The following TDRD5 variants were observed in gnomAD, a reference collection of about 807,000 sequenced individuals.
TDRD5 encodes tudor domain containing 5, also known as tudor domain-containing protein 5.
In TDRD5, 41 loss-of-function variants were observed where a neutral mutation model predicts 120.6. The ratio of observed to expected loss-of-function variants is 0.34; its 90% CI spans 0.26 to 0.44. The LOEUF (loss-of-function observed/expected upper bound fraction) is 0.44. Among genes scored for constraint, TDRD5 ranks in the 20% least tolerant of loss-of-function variants. TDRD5 has a pLI of 1.00. For missense variants in TDRD5, 1,006 were observed against 1,221.2 expected (o/e 0.82, Z 2.63); for synonymous variants, 430 against 433.7 (o/e 0.99, Z 0.11).
chr1:179,619,801 T>C (rs1481404816), intron 5 of TDRD5, among the ~76,000 whole-genome samples: 2 of 152,016 alleles, frequency 1.3e-5, no homozygotes, highest in Admixed American at 1.3e-4. Flanking sequence ...AAAAAAAATT[T>C]GTAGAGACAG....
intron 14 of TDRD5, 96 bp downstream of exon 14, chr1:179,654,458 C>A: frequency 7.8e-7 from 1 of 1,280,800 alleles, no homozygotes; most frequent in Non-Finnish European, 1.0e-6. Flanking sequence ...TTAAACCCCA[C>A]TGCTTTTAGT....
At position 179,606,266 on chromosome 1, in the gene TDRD5, T is replaced by G. The variant is rs192602218; in HGVS notation, c.831+10448T>G. Among the ~76,000 whole-genome samples the G allele has an allele frequency of 3.6e-3, 412 of 115,356 alleles. 13 individuals carry two copies. Among genetic ancestry groups the G allele is most frequent in the African/African-American group, 0.01 (388 of 38,100 alleles). 75.7% of individuals were successfully genotyped at this position (115,356 alleles called of 152,430 possible). The stretch of plus-strand genomic sequence containing the variant: ...TTAGTGAGAGGTCTGTTCAGGTATT[T>G]TGCCCATTTTTTAAAAATTGGATTG... On this transcript the variant is annotated intron_variant, in intron 4 of 17. Coordinates refer to ENST00000444136, the MANE Select transcript of TDRD5 (RefSeq NM_001199085.3).
intron 17 of TDRD5, among the ~76,000 whole-genome samples, chr1:179,672,687 G>C (rs1001226236): frequency 2.0e-5 from 3 of 152,116 alleles, no homozygotes; most frequent in Admixed American, 6.6e-5. Context: ...ATGTCTAGAA[G>C]GGTTTTTCCA....
rs540204788 is a variant in TDRD5 at position 179,634,036 on chromosome 1, T to G, written c.1127-421T>G. Reference sequence around the variant, plus strand: ...AATACAAGAAATTAGCCCGGCATGGTGGCGGGTGCCTGTAGTCCCAGCTAC... The same window carrying G: ...AATACAAGAAATTAGCCCGGCATGGGGGCGGGTGCCTGTAGTCCCAGCTAC... On this transcript the variant is annotated intron_variant, in intron 7 of 17. Transcript: ENST00000444136. Among the ~76,000 whole-genome samples, 973 of 151,918 alleles carry G rather than the reference T, an allele frequency of 6.4e-3. 16 individuals carry two copies. The highest frequency in any genetic ancestry group is 0.022 in the African/African-American group (922 of 41,426).
At chr1:179,630,455 TC>T in intron 6 of TDRD5, among the ~76,000 whole-genome samples, 1 of 150,620 alleles carries the variant, frequency 6.6e-6, no homozygotes, top group Non-Finnish European at 1.5e-5. Context: ...TGCATTCTCC[TC>T]TTGTTTTTTT....
chr1:179,652,303 T>G, intron 13 of TDRD5, 106 bp downstream of exon 13: 2 of 1,134,782 alleles, frequency 1.8e-6, no homozygotes, highest in Non-Finnish European at 1.2e-6. Context: ...GTTTGGAAAT[T>G]TTGCACAGTG....
chr1:179,686,077 A>G (rs533049817), intron 17 of TDRD5, among the ~76,000 whole-genome samples: 4 of 152,204 alleles, frequency 2.6e-5, no homozygotes, highest in Admixed American at 2.0e-4. Context: ...TTCCAATACT[A>G]TGTTGAATAG....
intron 17 of TDRD5, among the ~76,000 whole-genome samples, chr1:179,690,476 T>C (rs1004313195): frequency 5.3e-5 from 8 of 152,236 alleles, no homozygotes; most frequent in Non-Finnish European, 8.8e-5. Flanking sequence ...CTTACCTTCA[T>C]CCTGACAAGA....
chr1:179,686,986 A>G (rs1018443471), intron 17 of TDRD5, among the ~76,000 whole-genome samples: 9 of 152,124 alleles, frequency 5.9e-5, no homozygotes, highest in African/African-American at 2.2e-4. Context: ...ATCTTTTCAA[A>G]AAACCAGCTC....
chr1:179,641,608 T>G (rs1041496599), intron 11 of TDRD5, among the ~76,000 whole-genome samples: 1 of 152,152 alleles, frequency 6.6e-6, no homozygotes, highest in Non-Finnish European at 1.5e-5. Flanking sequence ...GTTTAGAAAT[T>G]TGGTGTATGT....
Position 179,635,647 on chromosome 1 carries a change from T to C in TDRD5, c.1300-20T>C. On this transcript the variant is annotated intron_variant, in intron 8 of 17. Coordinates refer to ENST00000444136, the MANE Select transcript of TDRD5 (RefSeq NM_001199085.3). The stretch of plus-strand genomic sequence containing the variant: ...GAAATGTCACCAAGAGATTTTTAAT[T>C]TTTTTTTTCTAACTTATAGCAAGTA... The C allele has an allele frequency of 1.2e-6, 2 of 1,603,594 alleles. No individual in the cohort carries two copies. Among genetic ancestry groups the C allele is most frequent in the Non-Finnish European group, 1.7e-6 (2 of 1,174,832 alleles).
At chr1:179,690,644 A>G (rs1056367807) in intron 17 of TDRD5, 52 bp from the exon 18 acceptor site, 2 of 1,573,740 alleles carry the variant, frequency 1.3e-6, no homozygotes, top group Admixed American at 1.8e-5. Flanking sequence ...GAGAGGAGGC[A>G]GTGAGTATGA....
intron 17 of TDRD5, among the ~76,000 whole-genome samples, chr1:179,680,675 G>A (rs1680373082): frequency 6.6e-6 from 1 of 152,058 alleles, no homozygotes; most frequent in Admixed American, 6.6e-5. Flanking sequence ...CTTAAAATAG[G>A]TTTCTTGGCT....
chr1:179,634,296 CA>C (rs1468349380), intron 7 of TDRD5, among the ~76,000 whole-genome samples, 160 bp from the exon 8 acceptor site: 5 of 152,250 alleles, frequency 3.3e-5, no homozygotes, highest in African/African-American at 1.2e-4. Flanking sequence ...GAAAGGTCTG[CA>C]AGGACAGGTT....
chr1:179,679,376 C>T (rs1401510723), intron 17 of TDRD5, among the ~76,000 whole-genome samples: 1 of 151,976 alleles, frequency 6.6e-6, no homozygotes, highest in Non-Finnish European at 1.5e-5. Flanking sequence ...ATGATGCTGT[C>T]ATAAAATAAG....
At chr1:179,656,568 A>T (rs1408402311) in intron 14 of TDRD5, among the ~76,000 whole-genome samples, 1 of 152,228 alleles carries the variant, frequency 6.6e-6, no homozygotes, top group Non-Finnish European at 1.5e-5. Context: ...CAACTGATCC[A>T]GCATCCTTTG....
At chr1:179,689,240 G>C (rs1432129171) in intron 17 of TDRD5, among the ~76,000 whole-genome samples, 2 of 150,490 alleles carry the variant, frequency 1.3e-5, no homozygotes. Flanking sequence ...TGGTGTGGAT[G>C]TCCTTTCTGT....
At chr1:179,664,596 A>G (rs1269853336) in intron 16 of TDRD5, among the ~76,000 whole-genome samples, 2 of 152,156 alleles carry the variant, frequency 1.3e-5, no homozygotes, top group Non-Finnish European at 2.9e-5. Context: ...AGCATTAATA[A>G]TGTCTTCAAA....
intron 9 of TDRD5, among the ~76,000 whole-genome samples, chr1:179,638,076 C>T (rs1677862429): frequency 6.6e-6 from 1 of 152,136 alleles, no homozygotes; most frequent in South Asian, 2.1e-4. Context: ...GGTGAGGTTG[C>T]AGGAGTCAGG....
Sources: gnomAD v4.1 joint callset for allele counts (sites outside exome capture counted in the v4.1 genomes callset) on GRCh38, gnomAD v4.1.1 for gene constraint, MANE v1.5 for transcripts, NCBI Gene and HGNC (gene_info 2026-07-23, HGNC 2026-07-21) for gene names.